The following LIX1 variants were observed in gnomAD, a reference collection of about 807,000 sequenced individuals.
The protein encoded by LIX1 is limb and CNS expressed 1.
Under a neutral mutation model 33.4 loss-of-function variants are expected in LIX1, and 24 were observed. The ratio of observed to expected loss-of-function variants is 0.72; its 90% CI spans 0.52 to 1.01. The LOEUF is 1.01. Among genes scored for constraint, LIX1 ranks in the 50% least tolerant of loss-of-function variants. The pLI is 0.00. For missense variants in LIX1, 311 were observed against 339.2 expected, an observed-to-expected ratio of 0.92 and a Z score of 0.65; for synonymous variants, 124 against 124.0, an observed-to-expected ratio of 1.00 and a Z score of 0.00.
At chr5:97,119,471 C>T (rs1200212527) in intron 2 of LIX1, among the ~76,000 whole-genome samples, 1 of 152,120 alleles carries the variant, frequency 6.6e-6, no homozygotes, top group Non-Finnish European at 1.5e-5. Context: ...TTTCATTTTT[C>T]CCCCTGGTTT....
chr5:97,118,777 T>C (rs1747700343), intron 2 of LIX1, among the ~76,000 whole-genome samples: 1 of 152,210 alleles, frequency 6.6e-6, no homozygotes, highest in African/African-American at 2.4e-5. Context: ...TCTTTTTCTA[T>C]CCTGTAGTAA....
intron 2 of LIX1, among the ~76,000 whole-genome samples, chr5:97,112,511 A>G (rs1277084534): frequency 2.0e-5 from 3 of 152,192 alleles, no homozygotes; most frequent in African/African-American, 7.2e-5. Flanking sequence ...AATCATAAAT[A>G]TAGATTTGTA....
chr5:97,110,746 A>C (rs1747343772), intron 2 of LIX1, among the ~76,000 whole-genome samples: 1 of 152,206 alleles, frequency 6.6e-6, no homozygotes, highest in African/African-American at 2.4e-5. Flanking sequence ...GCTGGGCCCA[A>C]AGAGTGATTT....
Position 97,094,277 on chromosome 5 carries a change from A to G in LIX1, c.*471T>C, listed in dbSNP as rs984729123. On this transcript the variant is annotated 3_prime_UTR_variant, in exon 6 of 6. Transcript: ENST00000274382. ...ATTGCTTAGCTTACAAAGCTTAGAA[A>G]GAGACTCTGATCCTTGGATATTTTT... 1 of 157,842 alleles carries G rather than the reference A, an allele frequency of 6.3e-6. No homozygotes were observed. The highest frequency in any genetic ancestry group is 6.0e-5 in the Admixed American group (1 of 16,554). 9.8% of individuals were successfully genotyped at this position (157,842 alleles called of 1,614,324 possible).
In LIX1 at chr5:97,124,649, C is replaced by T; in HGVS notation, c.83-20G>A. The T allele has an allele frequency of 6.3e-7, 1 of 1,599,252 alleles. No homozygotes were observed. The highest frequency in any genetic ancestry group is 8.5e-7 in the Non-Finnish European group (1 of 1,171,072). On this transcript the variant is annotated intron_variant, in intron 1 of 5. Transcript: ENST00000274382. ...CGTTCACTGAAAAAGACAAGAAACA[C>T]CATCAGTTATTAAGGATGGACATAA...
chr5:97,102,108 C>T (rs1246347642), intron 4 of LIX1: 1 of 152,104 alleles, frequency 6.6e-6, no homozygotes, highest in Non-Finnish European at 1.5e-5. Context: ...AACAGGCATC[C>T]AGGCTTCCCT....
chr5:97,131,911 G>A (rs1039249846), intron 1 of LIX1, among the ~76,000 whole-genome samples: 1 of 152,226 alleles, frequency 6.6e-6, no homozygotes, highest in African/African-American at 2.4e-5. Context: ...ATGGCAAAGT[G>A]GGTAGAGAGA....
intron 1 of LIX1, among the ~76,000 whole-genome samples, chr5:97,135,926 GTTC>G (rs1331977128): frequency 2.0e-5 from 3 of 152,188 alleles, no homozygotes; most frequent in Non-Finnish European, 4.4e-5. Flanking sequence ...TTGCTGATCA[GTTC>G]TTCTTAGTCA....
At position 97,094,820 on chromosome 5, in the gene LIX1, G is replaced by T; in HGVS notation, c.777C>A (p.Ile259=). 1 of 1,614,212 alleles carries T rather than the reference G, an allele frequency of 6.2e-7. No individual in the cohort carries two copies. The highest frequency in any genetic ancestry group is 8.5e-7 in the Non-Finnish European group (1 of 1,180,034). The change falls in exon 6 of 6, where the codon ATC becomes ATA. Residue 259 remains isoleucine, a synonymous_variant. Transcript: ENST00000274382. ...KEILSLALTQ[I]CSDPDTSSPS... is the part of the protein sequence containing the mutation. ...GTGAGGAAGTGTCAGGGTCACTGCAGATCTGAGTCAGGGCTAAGCTCAATA... is the reference window on the plus strand; with the variant it reads ...GTGAGGAAGTGTCAGGGTCACTGCATATCTGAGTCAGGGCTAAGCTCAATA...
Position 97,141,760 on chromosome 5 carries a change from T to C in LIX1, c.82+735A>G, listed in dbSNP as rs190492562. Among the ~76,000 whole-genome samples the C allele has an allele frequency of 5.9e-5, 9 of 152,366 alleles. No homozygotes were observed. In the South Asian group the frequency reaches 6.2e-4, roughly 11 times the overall value. On this transcript the variant is annotated intron_variant, in intron 1 of 5. Transcript: ENST00000274382. ...GATAAGATACAACATGAAGATAGTC[T>C]GTTTTGCAGCAGCAGGAAATCAAAT...
chr5:97,110,517 C>T (rs189352524), intron 2 of LIX1, among the ~76,000 whole-genome samples: 52 of 152,170 alleles, frequency 3.4e-4, no homozygotes, highest in Non-Finnish European at 4.3e-4. Context: ...TGGCTACCTA[C>T]GCCTGCAACC....
intron 1 of LIX1, among the ~76,000 whole-genome samples, chr5:97,128,533 G>C (rs1747983842): frequency 6.6e-6 from 1 of 152,056 alleles, no homozygotes; most frequent in Non-Finnish European, 1.5e-5. Context: ...CTATTCTCCT[G>C]CATCTCCAAT....
intron 4 of LIX1, among the ~76,000 whole-genome samples, 182 bp downstream of exon 4, chr5:97,105,008 G>A (rs746421797): frequency 6.6e-6 from 1 of 152,098 alleles, no homozygotes; most frequent in African/African-American, 2.4e-5. Context: ...GTTTGTTTAC[G>A]CCTATGATGT....
At chr5:97,126,489 G>T (rs990451923) in intron 1 of LIX1, among the ~76,000 whole-genome samples, 5 of 152,130 alleles carry the variant, frequency 3.3e-5, no homozygotes, top group African/African-American at 1.2e-4. Flanking sequence ...TTTAAGAAGT[G>T]ATTTGGGAAA....
At chr5:97,127,572 A>G (rs749143104) in intron 1 of LIX1, among the ~76,000 whole-genome samples, 4 of 152,212 alleles carry the variant, frequency 2.6e-5, no homozygotes, top group Non-Finnish European at 5.9e-5. Context: ...TGCCGTTTGG[A>G]ATTCCAAAGA....
intron 1 of LIX1, 126 bp from the exon 2 acceptor site, chr5:97,124,755 G>A: frequency 1.7e-6 from 1 of 591,232 alleles, no homozygotes; most frequent in Non-Finnish European, 2.8e-6. Context: ...TGGGTATGTG[G>A]ATAGTGGGGT....
rs957689991 is a variant in LIX1, at chr5:97,093,783, G to C, written c.*965C>G. On this transcript the variant is annotated 3_prime_UTR_variant, in exon 6 of 6. Transcript: ENST00000274382. The stretch of plus-strand genomic sequence containing the variant: ...TGATACTACATTTGAGCTACTGGTT[G>C]CTTATGTTCTTGAACAACAAACAGA... The C allele has an allele frequency of 5.3e-5, 8 of 152,270 alleles. No individual in the cohort carries two copies. Among genetic ancestry groups the C allele is most frequent in the African/African-American group, 1.9e-4 (8 of 41,418 alleles). 9.4% of individuals were successfully genotyped at this position (152,270 alleles called of 1,614,324 possible). A position where few individuals can be genotyped will look rare whatever the true frequency, so the allele number is the denominator to read the frequency against.
chr5:97,116,584 G>A (rs909251616), intron 2 of LIX1, among the ~76,000 whole-genome samples: 4 of 152,082 alleles, frequency 2.6e-5, no homozygotes, highest in Non-Finnish European at 4.4e-5. Context: ...TACCTCTGCC[G>A]CAATGCTATT....
chr5:97,111,844 A>G (rs1256276176), intron 2 of LIX1, among the ~76,000 whole-genome samples: 2 of 152,222 alleles, frequency 1.3e-5, no homozygotes, highest in Non-Finnish European at 2.9e-5. Flanking sequence ...CCCGGCTGAG[A>G]GAACAGAAAG....
Sources: gnomAD v4.1 joint callset for allele counts (sites outside exome capture counted in the v4.1 genomes callset) on GRCh38, gnomAD v4.1.1 for gene constraint, MANE v1.5 for transcripts, NCBI Gene and HGNC (gene_info 2026-07-23, HGNC 2026-07-21) for gene names.